The following JMY variants were observed in gnomAD, a reference collection of about 807,000 sequenced individuals.
The protein encoded by JMY is junction mediating and regulatory protein, p53 cofactor.
JMY carries 46 observed loss-of-function variants against 103.3 expected under a neutral mutation model. The ratio of observed to expected loss-of-function variants is 0.45; its 90% CI spans 0.35 to 0.57. The LOEUF (loss-of-function observed/expected upper bound fraction) is 0.57. Among genes scored for constraint, JMY ranks in the 20% least tolerant of loss-of-function variants. The pLI, the probability that JMY is intolerant of heterozygous loss-of-function variation, is 0.00. For synonymous variants in JMY, 526 were observed against 489.3 expected (o/e 1.07, Z -0.99); for missense variants, 1,238 against 1,255.2 (o/e 0.99, Z 0.21).
intron 1 of JMY, among the ~76,000 whole-genome samples, chr5:79,246,304 A>G (rs1012664586): frequency 6.6e-6 from 1 of 152,200 alleles, no homozygotes; most frequent in African/African-American, 2.4e-5. Flanking sequence ...CTATGGGGCC[A>G]TAACTGGAGT....
At chr5:79,268,795 T>A (rs1262520074) in intron 1 of JMY, among the ~76,000 whole-genome samples, 1 of 152,232 alleles carries the variant, frequency 6.6e-6, no homozygotes, top group Non-Finnish European at 1.5e-5. Context: ...GTGAGCATCT[T>A]TTCACATGCT....
At chr5:79,251,594 A>G (rs935707233) in intron 1 of JMY, among the ~76,000 whole-genome samples, 6 of 151,520 alleles carry the variant, frequency 4.0e-5, no homozygotes, top group African/African-American at 1.5e-4. Context: ...TCACCCAGTT[A>G]TGCTATCAAA....
chr5:79,310,473 A>ATGTGTATTTATCTGTATGT (rs1286890897), intron 7 of JMY, among the ~76,000 whole-genome samples: 3 of 152,188 alleles, frequency 2.0e-5, no homozygotes, highest in Non-Finnish European at 4.4e-5. Context: ...TTAAATAACT[A>ATGTGTATTTATCTGTATGT]GTCATCTTTA....
intron 2 of JMY, among the ~76,000 whole-genome samples, chr5:79,278,694 C>A (rs559885313): frequency 2.0e-5 from 3 of 151,296 alleles, no homozygotes; most frequent in Non-Finnish European, 4.4e-5. Context: ...TTGCTTGAAC[C>A]CAGGAGGTCA....
chr5:79,302,672 TACATACCACATTA>T (rs772520859), intron 6 of JMY, among the ~76,000 whole-genome samples: 17 of 152,350 alleles, frequency 1.1e-4, no homozygotes, highest in Admixed American at 3.3e-4. Context: ...TGGGAAATTT[TACATACCACATTA>T]ACAAGCCTGA....
At chr5:79,294,689 TC>T (rs1204223929) in intron 4 of JMY, among the ~76,000 whole-genome samples, 1 of 151,990 alleles carries the variant, frequency 6.6e-6, no homozygotes, top group Admixed American at 6.6e-5. Flanking sequence ...AAATTCTGTC[TC>T]CACTAAAAAT....
chr5:79,278,613 A>AAAT (rs1746017806), intron 2 of JMY, among the ~76,000 whole-genome samples: 1 of 147,212 alleles, frequency 6.8e-6, no homozygotes. Flanking sequence ...AAAAAAAAAA[A>AAAT]TCAAACTAGC....
intron 1 of JMY, among the ~76,000 whole-genome samples, chr5:79,262,975 A>C (rs1024540184): frequency 1.3e-5 from 2 of 152,206 alleles, no homozygotes; most frequent in Non-Finnish European, 2.9e-5. Context: ...ACTTTGTATT[A>C]CATTTACTTT....
intron 4 of JMY, among the ~76,000 whole-genome samples, chr5:79,292,284 G>A (rs757822860): frequency 1.3e-5 from 2 of 151,926 alleles, no homozygotes; most frequent in African/African-American, 2.4e-5. Context: ...TTAAACTTAA[G>A]TCCCTCTTTT....
chr5:79,244,117 C>T (rs1744821544), intron 1 of JMY, among the ~76,000 whole-genome samples: 8 of 151,782 alleles, frequency 5.3e-5, no homozygotes, highest in Admixed American at 5.3e-4. Context: ...TCTCCTGCCT[C>T]AGCCTCCTGA....
At chr5:79,309,874 A>G (rs1248948011) in intron 7 of JMY, among the ~76,000 whole-genome samples, 1 of 152,126 alleles carries the variant, frequency 6.6e-6, no homozygotes, top group Non-Finnish European at 1.5e-5. Flanking sequence ...TTGTACTTGC[A>G]TTATCAGTTT....
chr5:79,241,022 C>A (rs1338603333), intron 1 of JMY, among the ~76,000 whole-genome samples: 1 of 152,216 alleles, frequency 6.6e-6, no homozygotes, highest in Non-Finnish European at 1.5e-5. Flanking sequence ...TGGTCACTTA[C>A]AATACTTAGT....
At chr5:79,263,346 G>A (rs114752665) in intron 1 of JMY, among the ~76,000 whole-genome samples, 80 of 152,300 alleles carry the variant, frequency 5.3e-4, no homozygotes, top group African/African-American at 1.9e-3. Flanking sequence ...AGAAGACTCA[G>A]ACCCAAGTAT....
At chr5:79,297,029 C>G (rs1370758486) in intron 4 of JMY, among the ~76,000 whole-genome samples, 1 of 152,120 alleles carries the variant, frequency 6.6e-6, no homozygotes, top group African/African-American at 2.4e-5. Context: ...TGCTGTAAAA[C>G]AATAACAATA....
At chr5:79,304,209 A>C (rs1561311725) in intron 6 of JMY, among the ~76,000 whole-genome samples, 1 of 152,340 alleles carries the variant, frequency 6.6e-6, no homozygotes, top group East Asian at 1.9e-4. Flanking sequence ...AGAACTGCAG[A>C]GGGAAGGAGT....
At chr5:79,286,629 CA>C (rs1325462703) in intron 2 of JMY, among the ~76,000 whole-genome samples, 2 of 147,578 alleles carry the variant, frequency 1.4e-5, no homozygotes, top group African/African-American at 5.0e-5. Flanking sequence ...GGTGACAGAG[CA>C]AGACTCCATA....
chr5:79,294,660 C>A (rs1746517458), intron 4 of JMY, among the ~76,000 whole-genome samples: 1 of 152,040 alleles, frequency 6.6e-6, no homozygotes, highest in South Asian at 2.1e-4. Context: ...AGTTCGAGAC[C>A]AGCCTGGCCA....
intron 1 of JMY, among the ~76,000 whole-genome samples, chr5:79,263,751 A>G (rs1028529964): frequency 6.6e-6 from 1 of 151,388 alleles, no homozygotes; most frequent in Non-Finnish European, 1.5e-5. Flanking sequence ...ATGGCTTACT[A>G]CAGCATCAGC....
At chr5:79,258,863 G>A (rs1231796801) in intron 1 of JMY, among the ~76,000 whole-genome samples, 1 of 152,136 alleles carries the variant, frequency 6.6e-6, no homozygotes, top group Non-Finnish European at 1.5e-5. Flanking sequence ...GTGGGCAAGG[G>A]GTGTTTCAGC....
Sources: gnomAD v4.1 joint callset for allele counts (sites outside exome capture counted in the v4.1 genomes callset) on GRCh38, gnomAD v4.1.1 for gene constraint, MANE v1.5 for transcripts, NCBI Gene and HGNC (gene_info 2026-07-23, HGNC 2026-07-21) for gene names.